The following TIAM1 variants were observed in gnomAD, a reference collection of about 807,000 sequenced individuals.
The protein encoded by TIAM1 is rho guanine nucleotide exchange factor TIAM1.
TIAM1 carries 65 observed loss-of-function variants against 163.5 expected under a neutral mutation model. That is an observed-to-expected ratio of 0.40 (90% CI 0.33 to 0.49). The LOEUF (loss-of-function observed/expected upper bound fraction) is 0.49, where lower values mean the gene tolerates loss of function less well. Ranked by LOEUF, TIAM1 falls within the 20% of genes least tolerant of loss-of-function variation. TIAM1 has a pLI of 0.77. For synonymous variants in TIAM1, 833 were observed against 810.1 expected (o/e 1.03, Z -0.48); for missense variants, 1,789 against 2,044.7 (o/e 0.87, Z 2.41).
intron 27 of TIAM1, chr21:31,123,927 C>T (rs1330672886): frequency 6.6e-6 from 1 of 152,186 alleles, no homozygotes; most frequent in Non-Finnish European, 1.5e-5. Flanking sequence ...ACTCTAGATT[C>T]TTGTTTCCAA....
chr21:31,129,027 T>C (rs964025042), intron 25 of TIAM1, among the ~76,000 whole-genome samples: 5 of 152,190 alleles, frequency 3.3e-5, no homozygotes, highest in Non-Finnish European at 7.4e-5. Flanking sequence ...AAGCATAAAA[T>C]AGAAATTCTC....
intron 2 of TIAM1, among the ~76,000 whole-genome samples, chr21:31,310,410 G>A (rs2074880339): frequency 6.6e-6 from 1 of 152,180 alleles, no homozygotes; most frequent in African/African-American, 2.4e-5. Context: ...TAGGCAGTAA[G>A]TAAACCTATA....
At chr21:31,405,540 A>C (rs979515943) in intron 2 of TIAM1, among the ~76,000 whole-genome samples, 10 of 152,320 alleles carry the variant, frequency 6.6e-5, no homozygotes, top group Non-Finnish European at 4.4e-5. Context: ...AGAAAGGTTT[A>C]TTGGACTTAA....
chr21:31,350,483 G>A (rs149407822), intron 2 of TIAM1, among the ~76,000 whole-genome samples: 9 of 152,228 alleles, frequency 5.9e-5, no homozygotes, highest in Non-Finnish European at 1.2e-4. Flanking sequence ...GGGGCCTGGT[G>A]GGAGGTGATT....
chr21:31,237,335 T>C (rs1435970056), intron 6 of TIAM1, among the ~76,000 whole-genome samples: 1 of 152,246 alleles, frequency 6.6e-6, no homozygotes, highest in African/African-American at 2.4e-5. Flanking sequence ...GGCCATGACC[T>C]TCCTCAAGTC....
At chr21:31,252,620 G>A (rs1371217070) in intron 4 of TIAM1, among the ~76,000 whole-genome samples, 1 of 152,066 alleles carries the variant, frequency 6.6e-6, no homozygotes, top group Non-Finnish European at 1.5e-5. Context: ...CCAGACGTAG[G>A]GGGTGACAAT....
At chr21:31,386,291 C>G (rs555213978) in intron 2 of TIAM1, among the ~76,000 whole-genome samples, 1 of 152,238 alleles carries the variant, frequency 6.6e-6, no homozygotes, top group South Asian at 2.1e-4. Flanking sequence ...CTCCCCTATC[C>G]TGCCCTGCCC....
chr21:31,283,819 G>A (rs1250005841), intron 2 of TIAM1, among the ~76,000 whole-genome samples: 3 of 152,096 alleles, frequency 2.0e-5, no homozygotes, highest in Admixed American at 1.3e-4. Context: ...TGAGATTACA[G>A]GCATGAGTCA....
rs564119709 is a variant in TIAM1, at chr21:31,156,052, G to A, written c.2992-1626C>T. On this transcript the variant is annotated intron_variant, in intron 16 of 27. Coordinates refer to ENST00000541036, the MANE Select transcript of TIAM1 (RefSeq NM_001353694.2). ...AAAGCTAAAATCAAGTGTATGCCAT[G>A]GAGGAGTTTTAAACACAGAGGAAGG... Among the ~76,000 whole-genome samples the A allele has an allele frequency of 3.0e-4, 45 of 152,322 alleles. No homozygotes were observed. In the South Asian group the frequency reaches 8.9e-3, roughly 30 times the overall value.
chr21:31,455,839 C>T (rs748328788), intron 2 of TIAM1, among the ~76,000 whole-genome samples: 1 of 152,162 alleles, frequency 6.6e-6, no homozygotes, highest in Non-Finnish European at 1.5e-5. Flanking sequence ...AAAATCATGG[C>T]TGTCAAGGAA....
rs2072745921 is a variant in TIAM1 at position 31,266,124 on chromosome 21, G to A, written c.849C>T (p.Tyr283=). The A allele has an allele frequency of 6.2e-7, 1 of 1,614,058 alleles. No individual in the cohort carries two copies. The highest frequency in any genetic ancestry group is 1.3e-5 in the African/African-American group (1 of 74,910). ...PPAAAEETPP[Y]SNYNTLPCRK... is the part of the protein sequence containing the mutation. The stretch of plus-strand genomic sequence containing the variant: ...TACAGGGAAGTGTGTTATAATTACT[G>A]TACGGAGGAGTCTCTTCAGCAGCAG... Residue 283 remains tyrosine (Y), a synonymous_variant, in exon 4 of 28, where the codon TAC becomes TAT. Transcript: ENST00000541036.
chr21:31,197,619 T>G (rs372159372), intron 12 of TIAM1, among the ~76,000 whole-genome samples: 158 of 150,360 alleles, frequency 1.1e-3, no homozygotes, highest in African/African-American at 3.7e-3. Context: ...TCCGCCCGCC[T>G]CAGCCTCCCA....
At chr21:31,546,258 A>G (rs1318969660) in intron 1 of TIAM1, among the ~76,000 whole-genome samples, 2 of 151,940 alleles carry the variant, frequency 1.3e-5, no homozygotes, top group African/African-American at 4.8e-5. Context: ...AAAATGTTAA[A>G]AAGAAACCAG....
At chr21:31,397,532 A>AT (rs1386629906) in intron 2 of TIAM1, among the ~76,000 whole-genome samples, 1 of 152,208 alleles carries the variant, frequency 6.6e-6, no homozygotes, top group Non-Finnish European at 1.5e-5. Flanking sequence ...CATGAAAATC[A>AT]CATTGACCAA....
intron 2 of TIAM1, among the ~76,000 whole-genome samples, chr21:31,278,869 T>C (rs1007473730): frequency 2.6e-5 from 4 of 152,158 alleles, no homozygotes; most frequent in Non-Finnish European, 5.9e-5. Flanking sequence ...TCCAAAGCAG[T>C]TCCTGAATTG....
At chr21:31,412,417 T>C (rs1488246429) in intron 2 of TIAM1, among the ~76,000 whole-genome samples, 1 of 151,776 alleles carries the variant, frequency 6.6e-6, no homozygotes, top group Non-Finnish European at 1.5e-5. Flanking sequence ...AGTTTTTCCA[T>C]GGATGAGGGG....
At chr21:31,556,732 T>C (rs1207519714) in intron 1 of TIAM1, among the ~76,000 whole-genome samples, 2 of 152,184 alleles carry the variant, frequency 1.3e-5, no homozygotes, top group Admixed American at 6.5e-5. Context: ...TTCAATGAAA[T>C]TGATTCTCTT....
At chr21:31,243,452 A>T (rs1053300738) in intron 6 of TIAM1, among the ~76,000 whole-genome samples, 2 of 151,692 alleles carry the variant, frequency 1.3e-5, no homozygotes, top group Non-Finnish European at 2.9e-5. Context: ...TCACCAAAGG[A>T]GTGGAGCAAG....
chr21:31,148,950 G>GTTTTTTTTT (rs1568921143), intron 19 of TIAM1, among the ~76,000 whole-genome samples: 2 of 81,686 alleles, frequency 2.4e-5, no homozygotes, highest in African/African-American at 6.1e-5. Flanking sequence ...ATTTTAACAA[G>GTTTTTTTTT]TTTTTCTTTT....
Sources: allele counts gnomAD v4.1 joint callset (sites outside exome capture counted in the v4.1 genomes callset), GRCh38; gene constraint gnomAD v4.1.1; transcripts MANE v1.5; gene names NCBI Gene and HGNC (gene_info 2026-07-23, HGNC 2026-07-21).